GRIK3: variants seen among roughly 807,000 people sequenced by gnomAD.
GRIK3 encodes glutamate ionotropic receptor kainate type subunit 3.
GRIK3 carries 29 observed loss-of-function variants against 102.5 expected under a neutral mutation model. The ratio of observed to expected loss-of-function variants is 0.28; its 90% CI spans 0.21 to 0.39. GRIK3 has a LOEUF of 0.39. Ranked by LOEUF, GRIK3 falls within the 10% of genes least tolerant of loss-of-function variation. The pLI is 1.00. For missense variants in GRIK3, 908 were observed against 1,252.4 expected, an observed-to-expected ratio of 0.73 and a Z score of 4.15; for synonymous variants, 511 against 504.9, an observed-to-expected ratio of 1.01 and a Z score of -0.16.
chr1:36,852,371 C>T (rs1185554349), intron 8 of GRIK3, among the ~76,000 whole-genome samples: 2 of 152,130 alleles, frequency 1.3e-5, no homozygotes, highest in African/African-American at 4.8e-5. Flanking sequence ...CATCCTGCAA[C>T]CAGGGCAATT....
At chr1:36,982,110 C>A (rs1642256134) in intron 1 of GRIK3, among the ~76,000 whole-genome samples, 1 of 152,190 alleles carries the variant, frequency 6.6e-6, no homozygotes, top group African/African-American at 2.4e-5. Flanking sequence ...GCCCACTCAG[C>A]CAGGACAGGT....
intron 1 of GRIK3, among the ~76,000 whole-genome samples, chr1:37,013,866 A>C (rs1642624442): frequency 6.6e-6 from 1 of 152,216 alleles, no homozygotes; most frequent in Admixed American, 6.5e-5. Flanking sequence ...AAGCCCCAAG[A>C]CAAAGTTGGA....
intron 13 of GRIK3, among the ~76,000 whole-genome samples, chr1:36,810,932 G>C (rs781370041): frequency 6.6e-6 from 1 of 152,340 alleles, no homozygotes; most frequent in East Asian, 1.9e-4. Context: ...GGGGCTACAG[G>C]CTGGGGGTGG....
chr1:36,883,133 T>G (rs1641001149), intron 2 of GRIK3, among the ~76,000 whole-genome samples: 1 of 152,082 alleles, frequency 6.6e-6, no homozygotes, highest in African/African-American at 2.4e-5. Context: ...ACCCCTAAGA[T>G]TTGCAGGGCC....
At chr1:36,835,987 T>G (rs1019245371) in intron 10 of GRIK3, among the ~76,000 whole-genome samples, 1 of 152,152 alleles carries the variant, frequency 6.6e-6, no homozygotes, top group Non-Finnish European at 1.5e-5. Flanking sequence ...CCACAGTCAT[T>G]GCTCTGGGCA....
chr1:36,968,535 A>C (rs1642104274), intron 1 of GRIK3, among the ~76,000 whole-genome samples: 1 of 152,146 alleles, frequency 6.6e-6, no homozygotes, highest in Non-Finnish European at 1.5e-5. Context: ...CAGCTCTGAA[A>C]ATACCTCCAC....
chr1:36,940,823 T>A (rs475866), intron 1 of GRIK3, among the ~76,000 whole-genome samples: 1 of 152,210 alleles, frequency 6.6e-6, no homozygotes, highest in Non-Finnish European at 1.5e-5. Flanking sequence ...CTGGAGAGAA[T>A]CAGCCACATC....
intron 10 of GRIK3, among the ~76,000 whole-genome samples, chr1:36,830,848 GCACAGATACA>G (rs1449334113): frequency 2.0e-5 from 3 of 149,514 alleles, no homozygotes; most frequent in Non-Finnish European, 4.4e-5. Flanking sequence ...AAAAGAGGAT[GCACAGATACA>G]CACAGAGAAG....
Position 36,850,024 on chromosome 1 carries a change from G to A in GRIK3, c.1326+287C>T. The A allele has an allele frequency of 2.9e-6, 1 of 345,986 alleles. No individual in the cohort carries two copies. The allele number at this position is 345,986 out of a possible 1,614,324, so 21.4% of individuals were successfully genotyped here. A position where few individuals can be genotyped will look rare whatever the true frequency, so the allele number is the denominator to read the frequency against. ...ATCCTCACTCAGGTTGCAATGGGCTGTCAAACCCCCTTAATTCCACCATCC... is the reference window on the plus strand; with the variant it reads ...ATCCTCACTCAGGTTGCAATGGGCTATCAAACCCCCTTAATTCCACCATCC... On this transcript the variant is annotated intron_variant, in intron 9 of 15. Coordinates refer to ENST00000373091, the MANE Select transcript of GRIK3 (RefSeq NM_000831.4). This position sits in a 1 kb window ranked among gnomAD's most constrained non-coding sequence, Gnocchi z 4.0.
intron 1 of GRIK3, among the ~76,000 whole-genome samples, chr1:36,985,314 C>T (rs2124370134): frequency 6.6e-6 from 1 of 152,228 alleles, no homozygotes; most frequent in Non-Finnish European, 1.5e-5. Context: ...CCTGGGTGTC[C>T]CTAACAAAGC....
intron 1 of GRIK3, among the ~76,000 whole-genome samples, chr1:36,997,701 C>T (rs944207987): frequency 1.3e-5 from 2 of 152,124 alleles, no homozygotes; most frequent in Non-Finnish European, 2.9e-5. Flanking sequence ...TGAGGAGTGC[C>T]GTGGTGGTCA....
intron 1 of GRIK3, among the ~76,000 whole-genome samples, chr1:36,946,400 G>A (rs1641785177): frequency 6.6e-6 from 1 of 152,244 alleles, no homozygotes; most frequent in Non-Finnish European, 1.5e-5. Context: ...GGGACACGGA[G>A]CATTCAGTGG....
chr1:36,986,626 T>C (rs1642310602), intron 1 of GRIK3, among the ~76,000 whole-genome samples: 1 of 152,116 alleles, frequency 6.6e-6, no homozygotes, highest in Admixed American at 6.5e-5. Context: ...CAGAGAGATA[T>C]GAAGGAAGAG....
At chr1:36,858,239 A>G (rs1160992211) in intron 7 of GRIK3, among the ~76,000 whole-genome samples, 9 of 152,202 alleles carry the variant, frequency 5.9e-5, no homozygotes, top group Non-Finnish European at 1.3e-4. Flanking sequence ...CTTTGCACAT[A>G]GTTTTTCACT....
chr1:36,849,035 A>T (rs956031938), intron 9 of GRIK3, among the ~76,000 whole-genome samples: 2 of 151,962 alleles, frequency 1.3e-5, no homozygotes, highest in Non-Finnish European at 2.9e-5. Context: ...TTTAGCTCAG[A>T]TCCTCTCAAT....
intron 10 of GRIK3, among the ~76,000 whole-genome samples, chr1:36,830,435 TGCA>T (rs1640256108): frequency 6.6e-6 from 1 of 151,652 alleles, no homozygotes; most frequent in African/African-American, 2.4e-5. Context: ...ATAAGGTTTT[TGCA>T]GATGAAATCG....
chr1:37,011,146 C>T (rs1427436214), intron 1 of GRIK3, among the ~76,000 whole-genome samples: 3 of 152,152 alleles, frequency 2.0e-5, no homozygotes, highest in South Asian at 2.1e-4. Context: ...AAAAATGCTC[C>T]GAGCTGGAGT....
At chr1:36,943,252 T>G (rs938246352) in intron 1 of GRIK3, among the ~76,000 whole-genome samples, 11 of 151,938 alleles carry the variant, frequency 7.2e-5, no homozygotes, top group Non-Finnish European at 1.5e-4. Context: ...GGGCAGCACA[T>G]AAAACATGAA....
intron 13 of GRIK3, among the ~76,000 whole-genome samples, chr1:36,807,286 G>A (rs945622297): frequency 4.6e-5 from 7 of 152,046 alleles, no homozygotes; most frequent in African/African-American, 1.2e-4. Flanking sequence ...TGCTGCCTGG[G>A]GAGACTGTGC....
Sources: allele counts gnomAD v4.1 joint callset (sites outside exome capture counted in the v4.1 genomes callset), GRCh38; gene constraint gnomAD v4.1.1; non-coding constraint Gnocchi (gnomAD v3.1); transcripts MANE v1.5; gene names NCBI Gene and HGNC (gene_info 2026-07-23, HGNC 2026-07-21).